BORCS5: variants seen among roughly 807,000 people sequenced by gnomAD.
BORCS5 encodes the protein BLOC-1-related complex subunit 5.
In BORCS5, 17 loss-of-function variants were observed where a neutral mutation model predicts 22.1. That is an observed-to-expected ratio of 0.77 (90% confidence interval 0.53 to 1.15). The LOEUF is 1.15. Among genes scored for constraint, BORCS5 ranks in the 50% most tolerant of loss-of-function variants. BORCS5 has a pLI of 0.00. For missense variants in BORCS5, 247 were observed against 253.2 expected, an observed-to-expected ratio of 0.98 and a Z score of 0.17; for synonymous variants, 117 against 99.8, an observed-to-expected ratio of 1.17 and a Z score of -1.03.
intron 3 of BORCS5, among the ~76,000 whole-genome samples, chr12:12,453,153 A>G (rs1301296645): frequency 2.0e-5 from 3 of 152,256 alleles, no homozygotes; most frequent in Admixed American, 2.0e-4. Flanking sequence ...TTTAATTAGC[A>G]TGACTATAGA....
intron 2 of BORCS5, among the ~76,000 whole-genome samples, chr12:12,368,252 T>C (rs200336783): frequency 2.6e-5 from 4 of 151,972 alleles, no homozygotes; most frequent in Non-Finnish European, 4.4e-5. Flanking sequence ...TAGTTTATGA[T>C]ACCTCCCCAC....
intron 3 of BORCS5, among the ~76,000 whole-genome samples, chr12:12,464,128 C>T (rs190295427): frequency 3.3e-5 from 5 of 152,264 alleles, no homozygotes; most frequent in South Asian, 2.1e-4. Context: ...AAGTGCTGAG[C>T]GCCAGACAGG....
chr12:12,386,628 C>T (rs1863888186), intron 2 of BORCS5, among the ~76,000 whole-genome samples: 3 of 129,306 alleles, frequency 2.3e-5, no homozygotes, highest in Admixed American at 1.6e-4. Context: ...ACTACAGGCA[C>T]GTGCTAGTTT....
chr12:12,359,954 T>G (rs769465321), intron 1 of BORCS5, among the ~76,000 whole-genome samples: 6 of 152,182 alleles, frequency 3.9e-5, no homozygotes, highest in Middle Eastern at 3.4e-3. Context: ...GGGAGATATA[T>G]ATATATATCT....
At chr12:12,391,456 G>A (rs1017759130) in intron 2 of BORCS5, among the ~76,000 whole-genome samples, 2 of 151,560 alleles carry the variant, frequency 1.3e-5, no homozygotes, top group African/African-American at 2.4e-5. Flanking sequence ...CATGATCTCG[G>A]CTCACTTCAA....
At chr12:12,461,996 A>G (rs1485159627) in intron 3 of BORCS5, among the ~76,000 whole-genome samples, 3 of 152,244 alleles carry the variant, frequency 2.0e-5, no homozygotes, top group African/African-American at 7.2e-5. Flanking sequence ...TTCCTGGAAT[A>G]GTAAAGTCAT....
In BORCS5 at chr12:12,407,702, C is replaced by CTTTTTTT. The variant is rs201404558; in HGVS notation, c.203-27921_203-27920insTTTTTTT. On this transcript the variant is annotated intron_variant, in intron 2 of 3. Coordinates refer to ENST00000314565, the MANE Select transcript of BORCS5 (RefSeq NM_058169.6). ...TATTTTCGCCATGAATTTTACTATTCTTTTTGTTTTTTTTTTTTTTTGAGA... is the reference window on the plus strand; with the variant it reads ...TATTTTCGCCATGAATTTTACTATTCTTTTTTTTTTTTGTTTTTTTTTTTTTTTGAGA... Among the ~76,000 whole-genome samples the CTTTTTTT allele has an allele frequency of 8.5e-5, 12 of 141,764 alleles. 1 individual carries two copies. Among genetic ancestry groups the CTTTTTTT allele is most frequent in the African/African-American group, 1.6e-4 (6 of 37,888 alleles). 93.0% of individuals were successfully genotyped at this position (141,764 alleles called of 152,430 possible). A position where few individuals can be genotyped will look rare whatever the true frequency, so the allele number is the denominator to read the frequency against.
intron 3 of BORCS5, among the ~76,000 whole-genome samples, chr12:12,459,836 A>T (rs1229086972): frequency 6.6e-6 from 1 of 152,212 alleles, no homozygotes; most frequent in African/African-American, 2.4e-5. Context: ...TAACAACAAT[A>T]AAAAAATCAA....
intron 2 of BORCS5, among the ~76,000 whole-genome samples, chr12:12,414,230 G>T (rs1216729133): frequency 1.3e-5 from 1 of 79,506 alleles, no homozygotes; most frequent in African/African-American, 5.6e-5. Context: ...CCTCCCTCCC[G>T]GACGGGGCGG....
intron 1 of BORCS5, among the ~76,000 whole-genome samples, chr12:12,360,443 A>T (rs1444140965): frequency 6.6e-6 from 1 of 151,698 alleles, no homozygotes. Context: ...TGTCTTACCC[A>T]TGCAGTGGTG....
At chr12:12,392,994 G>A (rs1174755592) in intron 2 of BORCS5, among the ~76,000 whole-genome samples, 2 of 152,076 alleles carry the variant, frequency 1.3e-5, no homozygotes, top group African/African-American at 4.8e-5. Context: ...AGCACTTTAG[G>A]AGGCTGAGGT....
intron 2 of BORCS5, among the ~76,000 whole-genome samples, chr12:12,399,630 C>T (rs977248632): frequency 6.6e-6 from 1 of 152,178 alleles, no homozygotes; most frequent in East Asian, 1.9e-4. Flanking sequence ...TACCACAGAT[C>T]TAGAACTTCT....
chr12:12,378,530 T>A (rs1863704878), intron 2 of BORCS5, among the ~76,000 whole-genome samples: 1 of 151,876 alleles, frequency 6.6e-6, no homozygotes, highest in African/African-American at 2.4e-5. Flanking sequence ...AGAGACATGC[T>A]ACAAAATAAC....
rs963681383 is a variant in BORCS5, at chr12:12,467,801, C to A, written c.*2025C>A. The stretch of plus-strand genomic sequence containing the variant: ...ATGAGGTTTGGAAGTGGAAGTAGAG[C>A]AACAGCCATGTGTATTCACTGGAAG... On this transcript the variant is annotated 3_prime_UTR_variant, in exon 4 of 4. Coordinates refer to ENST00000314565, the MANE Select transcript of BORCS5 (RefSeq NM_058169.6). The A allele has an allele frequency of 2.6e-5, 4 of 152,234 alleles. No homozygotes were observed. The highest frequency in any genetic ancestry group is 4.4e-5 in the Non-Finnish European group (3 of 68,066). 9.4% of individuals were successfully genotyped at this position (152,234 alleles called of 1,614,324 possible).
chr12:12,398,706 G>A (rs1378244799), intron 2 of BORCS5, among the ~76,000 whole-genome samples: 2 of 152,160 alleles, frequency 1.3e-5, no homozygotes, highest in Non-Finnish European at 2.9e-5. Flanking sequence ...CAAACACTAG[G>A]AGGCAATACT....
chr12:12,436,011 C>G, intron 3 of BORCS5: 1 of 437,828 alleles, frequency 2.3e-6, no homozygotes, highest in South Asian at 3.6e-5. Context: ...ACTTCTCTGT[C>G]TCAGTTTCCT....
chr12:12,365,494 T>C (rs990107755), intron 2 of BORCS5, among the ~76,000 whole-genome samples: 9 of 151,932 alleles, frequency 5.9e-5, no homozygotes, highest in Non-Finnish European at 1.3e-4. Context: ...TTTCAAAAAA[T>C]ACTATAGAAA....
Position 12,357,107 on chromosome 12 carries a change from G to A in BORCS5, c.-345G>A, listed in dbSNP as rs1177088756. The A allele has an allele frequency of 1.3e-6, 2 of 1,534,656 alleles. No homozygotes were observed. Among genetic ancestry groups the A allele is most frequent in the Admixed American group, 3.9e-5 (2 of 50,900 alleles). On this transcript the variant is annotated 5_prime_UTR_variant, in exon 1 of 4. Transcript: ENST00000314565. ...GCGTCCCGGAAGGAGCGAGCTTGCG[G>A]AGCGTGAACCAGTGAGTGAAAGCGG...
At chr12:12,366,219 T>C (rs974920161) in intron 2 of BORCS5, among the ~76,000 whole-genome samples, 5 of 152,244 alleles carry the variant, frequency 3.3e-5, no homozygotes, top group African/African-American at 1.2e-4. Context: ...TAATGACAGT[T>C]TATTCTTTCA....
Sources: allele counts gnomAD v4.1 joint callset (sites outside exome capture counted in the v4.1 genomes callset), GRCh38; gene constraint gnomAD v4.1.1; transcripts MANE v1.5; gene names NCBI Gene and HGNC (gene_info 2026-07-23, HGNC 2026-07-21).